The following PDE4D variants were observed in gnomAD, a reference collection of about 807,000 sequenced individuals.
PDE4D encodes phosphodiesterase 4D.
A neutral mutation model predicts 87.4 loss-of-function variants in PDE4D; 24 were observed. That is an observed-to-expected ratio of 0.27 (90% CI 0.20 to 0.39). PDE4D has a LOEUF of 0.39. Ranked by LOEUF, PDE4D falls within the 10% of genes least tolerant of loss-of-function variation. The pLI is 1.00. For missense variants in PDE4D, 714 were observed against 1,041.0 expected (o/e 0.69, Z 4.32); for synonymous variants, 384 against 383.2 (o/e 1.00, Z -0.02).
intron 4 of PDE4D, among the ~76,000 whole-genome samples, chr5:59,181,389 C>T (rs952092550): frequency 4.6e-5 from 7 of 151,340 alleles, no homozygotes; most frequent in Admixed American, 6.6e-5. Flanking sequence ...TCCAGTATTC[C>T]GTCAGTGCTT....
At chr5:58,985,644 G>A (rs1746240875) in intron 11 of PDE4D, among the ~76,000 whole-genome samples, 5 of 152,258 alleles carry the variant, frequency 3.3e-5, no homozygotes, top group South Asian at 2.1e-4. Context: ...TTTATTATGA[G>A]AAATATGGAT....
intron 1 of PDE4D, among the ~76,000 whole-genome samples, chr5:59,678,419 C>G (rs1346394537): frequency 6.6e-6 from 1 of 151,910 alleles, no homozygotes; most frequent in African/African-American, 2.4e-5. Flanking sequence ...ATGCTAATAT[C>G]TCTATCATTA....
At chr5:60,366,234 CTTTT>C (rs1185612181) in intron 1 of PDE4D, among the ~76,000 whole-genome samples, 1 of 151,930 alleles carries the variant, frequency 6.6e-6, no homozygotes, top group African/African-American at 2.4e-5. Context: ...AGATAGCATG[CTTTT>C]TTTCCCCATT....
chr5:58,999,934 C>G, intron 6 of PDE4D: 2 of 985,794 alleles, frequency 2.0e-6, no homozygotes, highest in Non-Finnish European at 2.4e-6. Flanking sequence ...TAAGGAACTG[C>G]AGGGAAGCCG....
chr5:60,425,975 C>T (rs1277179192), intron 1 of PDE4D, among the ~76,000 whole-genome samples: 7 of 152,244 alleles, frequency 4.6e-5, no homozygotes, highest in African/African-American at 1.7e-4. Flanking sequence ...AAATCAAAAC[C>T]ACAGTGAGAT....
chr5:59,780,123 G>T (rs1764465823), intron 1 of PDE4D, among the ~76,000 whole-genome samples: 1 of 152,146 alleles, frequency 6.6e-6, no homozygotes, highest in African/African-American at 2.4e-5. Flanking sequence ...CAGCACTTTG[G>T]GAGGCCAAGG....
chr5:60,138,508 C>CT (rs897238953), intron 2 of PDE4D, among the ~76,000 whole-genome samples: 26 of 151,752 alleles, frequency 1.7e-4, no homozygotes, highest in South Asian at 4.2e-4. Flanking sequence ...TTATTTTTCC[C>CT]TTTTTTTTGA....
chr5:59,822,167 C>A (rs567224469), intron 1 of PDE4D, among the ~76,000 whole-genome samples: 14 of 151,984 alleles, frequency 9.2e-5, no homozygotes, highest in Non-Finnish European at 2.1e-4. Context: ...ATTTTACTTT[C>A]TTTTTGTTAT....
chr5:60,030,019 T>C (rs1465150442), intron 2 of PDE4D, among the ~76,000 whole-genome samples: 1 of 152,178 alleles, frequency 6.6e-6, no homozygotes, highest in East Asian at 1.9e-4. Context: ...AAATGCAAGT[T>C]ACAGAATCAT....
At chr5:60,361,456 G>A (rs1325062950) in intron 1 of PDE4D, among the ~76,000 whole-genome samples, 1 of 152,148 alleles carries the variant, frequency 6.6e-6, no homozygotes, top group African/African-American at 2.4e-5. Context: ...GACATTCTTT[G>A]ATAATCAGCT....
At chr5:60,125,061 T>C (rs532621126) in intron 2 of PDE4D, among the ~76,000 whole-genome samples, 1 of 152,294 alleles carries the variant, frequency 6.6e-6, no homozygotes, top group African/African-American at 2.4e-5. Context: ...TTAGAGTGGC[T>C]TTTCCTATTT....
intron 1 of PDE4D, among the ~76,000 whole-genome samples, chr5:59,767,451 CTGTTT>C (rs1280087257): frequency 1.3e-5 from 2 of 151,648 alleles, no homozygotes; most frequent in African/African-American, 4.8e-5. Context: ...ACATGATGGT[CTGTTT>C]TAATATTTGG....
chr5:60,184,308 T>A (rs1458915410), intron 2 of PDE4D, among the ~76,000 whole-genome samples: 4 of 152,180 alleles, frequency 2.6e-5, no homozygotes, highest in Admixed American at 1.3e-4. Context: ...ATATGAATAG[T>A]TTGCTTTCAT....
intron 2 of PDE4D, among the ~76,000 whole-genome samples, chr5:60,162,915 T>G (rs1049285188): frequency 7.2e-5 from 11 of 152,160 alleles, no homozygotes; most frequent in African/African-American, 2.4e-4. Context: ...ATTAGCAGAA[T>G]TTAAAATGGT....
At chr5:60,472,355 C>G (rs1239351197) in intron 1 of PDE4D, among the ~76,000 whole-genome samples, 1 of 152,182 alleles carries the variant, frequency 6.6e-6, no homozygotes, top group African/African-American at 2.4e-5. Context: ...CCAACCCAGA[C>G]AGTCTAGCAC....
At chr5:59,406,238 T>C (rs1791592478) in intron 1 of PDE4D, among the ~76,000 whole-genome samples, 1 of 152,196 alleles carries the variant, frequency 6.6e-6, no homozygotes, top group African/African-American at 2.4e-5. Flanking sequence ...GATTTCGTCA[T>C]GGTTAAATCT....
chr5:59,371,475 T>G (rs1783930440), intron 1 of PDE4D, among the ~76,000 whole-genome samples: 1 of 152,198 alleles, frequency 6.6e-6, no homozygotes, highest in South Asian at 2.1e-4. Flanking sequence ...CTGGCATATA[T>G]GTACTATTTG....
intron 5 of PDE4D, among the ~76,000 whole-genome samples, chr5:59,099,000 CT>C (rs1770270135): frequency 6.6e-6 from 1 of 152,186 alleles, no homozygotes; most frequent in Non-Finnish European, 1.5e-5. Context: ...CTGCATCAAT[CT>C]CTTAGAAAGC....
At chr5:59,700,886 A>T (rs138583076) in intron 1 of PDE4D, among the ~76,000 whole-genome samples, 1 of 152,336 alleles carries the variant, frequency 6.6e-6, no homozygotes, top group African/African-American at 2.4e-5. Context: ...CCCAAGCCAC[A>T]GCAGGAGCCA....
Sources: allele counts gnomAD v4.1 joint callset (sites outside exome capture counted in the v4.1 genomes callset), GRCh38; gene constraint gnomAD v4.1.1; transcripts MANE v1.5; gene names NCBI Gene and HGNC (gene_info 2026-07-23, HGNC 2026-07-21).